SNX10: variants seen among roughly 807,000 people sequenced by gnomAD.
SNX10 encodes the protein sorting nexin-10.
A neutral mutation model predicts 28.5 loss-of-function variants in SNX10; 25 were observed. The ratio of observed to expected loss-of-function variants is 0.88; its 90% CI spans 0.64 to 1.22. The LOEUF is 1.22. Among genes scored for constraint, SNX10 ranks in the 50% most tolerant of loss-of-function variants. The pLI, the probability that SNX10 is intolerant of heterozygous loss-of-function variation, is 0.00. For synonymous variants in SNX10, 62 were observed against 81.4 expected (o/e 0.76, Z 1.28); for missense variants, 223 against 242.6 (o/e 0.92, Z 0.54).
chr7:26,311,522 T>C (rs1468841557), intron 1 of SNX10, among the ~76,000 whole-genome samples: 1 of 151,998 alleles, frequency 6.6e-6, no homozygotes, highest in Admixed American at 6.6e-5. Flanking sequence ...GGGGAGGGAA[T>C]TGTCAGGGTG....
chr7:26,350,118 ATTCTACT>A (rs1788539206), intron 2 of SNX10, among the ~76,000 whole-genome samples: 1 of 152,204 alleles, frequency 6.6e-6, no homozygotes, highest in Non-Finnish European at 1.5e-5. Context: ...TGATGGCTGC[ATTCTACT>A]TTTAGAGATT....
intron 1 of SNX10, among the ~76,000 whole-genome samples, chr7:26,294,764 C>T (rs1198996758): frequency 2.0e-5 from 3 of 152,188 alleles, no homozygotes; most frequent in Non-Finnish European, 2.9e-5. Context: ...GTCCTAAGTA[C>T]GTTAACAACC....
chr7:26,339,713 A>C (rs2128008699), intron 1 of SNX10, among the ~76,000 whole-genome samples: 1 of 151,030 alleles, frequency 6.6e-6, no homozygotes, highest in Admixed American at 6.6e-5. Flanking sequence ...TGCCTGGCTA[A>C]TTTTTCTATT....
At chr7:26,310,191 G>A (rs1286386425) in intron 1 of SNX10, among the ~76,000 whole-genome samples, 3 of 152,168 alleles carry the variant, frequency 2.0e-5, no homozygotes, top group East Asian at 1.9e-4. Flanking sequence ...CCCGAGAGGC[G>A]GGCGACTGTC....
chr7:26,310,508 G>A (rs1356334032), intron 1 of SNX10, among the ~76,000 whole-genome samples: 1 of 152,076 alleles, frequency 6.6e-6, no homozygotes, highest in Non-Finnish European at 1.5e-5. Flanking sequence ...AGAGTTCCTA[G>A]GGGAGTCTGC....
chr7:26,310,568 A>C (rs1364287091), intron 1 of SNX10, among the ~76,000 whole-genome samples: 1 of 152,088 alleles, frequency 6.6e-6, no homozygotes, highest in African/African-American at 2.4e-5. Context: ...CTTTAAACCA[A>C]GATCTGAAGC....
At position 26,374,262 on chromosome 7, in the gene SNX10, G is replaced by C. The variant is rs1322884417; in HGVS notation, c.*1690G>C. 1 of 151,882 alleles carries C rather than the reference G, an allele frequency of 6.6e-6. No homozygotes were observed. The highest frequency in any genetic ancestry group is 2.1e-4 in the South Asian group (1 of 4,818). 9.4% of individuals were successfully genotyped at this position (151,882 alleles called of 1,614,324 possible). A position where few individuals can be genotyped will look rare whatever the true frequency, so the allele number is the denominator to read the frequency against. On this transcript the variant is annotated 3_prime_UTR_variant, in exon 7 of 7. Coordinates refer to ENST00000338523, the MANE Select transcript of SNX10 (RefSeq NM_013322.3). Reference sequence around the variant, plus strand: ...ACATAGCCATCAAAATTAATATTATGTAATGCCTAATACTTAGTATGTAAA... The same window carrying C: ...ACATAGCCATCAAAATTAATATTATCTAATGCCTAATACTTAGTATGTAAA...
At chr7:26,351,187 G>A (rs1323570443) in intron 2 of SNX10, among the ~76,000 whole-genome samples, 1 of 152,164 alleles carries the variant, frequency 6.6e-6, no homozygotes, top group Non-Finnish European at 1.5e-5. Flanking sequence ...GATTAAATTA[G>A]AAGTGGCTTA....
intron 1 of SNX10, among the ~76,000 whole-genome samples, chr7:26,335,675 C>T (rs986172634): frequency 2.7e-5 from 4 of 149,512 alleles, no homozygotes; most frequent in Non-Finnish European, 5.9e-5. Context: ...AGAGCAGATA[C>T]GGGAAAACTT....
intron 1 of SNX10, among the ~76,000 whole-genome samples, chr7:26,332,832 T>G (rs1422117692): frequency 2.0e-5 from 3 of 152,232 alleles, no homozygotes; most frequent in African/African-American, 4.8e-5. Context: ...AGGATGATTC[T>G]TTCCCCATTG....
intron 2 of SNX10, among the ~76,000 whole-genome samples, chr7:26,351,646 GT>G (rs982361856): frequency 2.7e-4 from 30 of 112,618 alleles, no homozygotes; most frequent in African/African-American, 7.1e-4. Context: ...AAGCAGTCTG[GT>G]TTTTTTTTTT....
rs1785931316 is a variant in SNX10, at chr7:26,291,920, C to CGAGCGCGGGGAGCGCGGGGAGCGCGGG, written c.-189_-188insAGCGCGGGGAGCGCGGGGAGCGCGGGG. On this transcript the variant is annotated 5_prime_UTR_variant, in exon 1 of 7. Coordinates refer to ENST00000338523, the MANE Select transcript of SNX10 (RefSeq NM_013322.3). ...GCTGAGCGCGGGCGCGGGGCCGCTA[C>CGAGCGCGGGGAGCGCGGGGAGCGCGGG]GTGCGCGGGGAGCGCGGGGAGCGCG... 7.4e-6 allele frequency: 1 copy of CGAGCGCGGGGAGCGCGGGGAGCGCGGG among 135,620 alleles called. No individual in the cohort carries two copies. Among genetic ancestry groups the CGAGCGCGGGGAGCGCGGGGAGCGCGGG allele is most frequent in the African/African-American group, 2.5e-5 (1 of 39,716 alleles). 8.4% of individuals were successfully genotyped at this position (135,620 alleles called of 1,614,324 possible). A position where few individuals can be genotyped will look rare whatever the true frequency, so the allele number is the denominator to read the frequency against.
At chr7:26,311,057 G>C (rs966536334) in intron 1 of SNX10, among the ~76,000 whole-genome samples, 1 of 152,330 alleles carries the variant, frequency 6.6e-6, no homozygotes, top group East Asian at 1.9e-4. Flanking sequence ...GGCTGAGGGG[G>C]TGGCCAGGGA....
intron 2 of SNX10, 118 bp from the exon 3 acceptor site, chr7:26,360,857 A>C: frequency 6.6e-7 from 1 of 1,504,468 alleles, no homozygotes; most frequent in Non-Finnish European, 8.8e-7. Flanking sequence ...AAGGATTACA[A>C]GTACCACATT....
At chr7:26,317,741 G>A (rs1415447331) in intron 1 of SNX10, among the ~76,000 whole-genome samples, 2 of 149,222 alleles carry the variant, frequency 1.3e-5, no homozygotes, top group Non-Finnish European at 3.0e-5. Context: ...CGGCTCACTG[G>A]AACCTCTGCC....
At chr7:26,339,663 G>A (rs1303533887) in intron 1 of SNX10, among the ~76,000 whole-genome samples, 4 of 151,378 alleles carry the variant, frequency 2.6e-5, no homozygotes, top group African/African-American at 7.3e-5. Context: ...CCGAGTAGCT[G>A]GAATTACAGG....
intron 3 of SNX10, among the ~76,000 whole-genome samples, chr7:26,361,301 A>T (rs1207067130): frequency 3.3e-5 from 5 of 152,194 alleles, no homozygotes; most frequent in African/African-American, 9.7e-5. Context: ...TTGCCTTCAC[A>T]TGTGAAGATG....
chr7:26,333,322 CTT>C (rs10636369), intron 1 of SNX10, among the ~76,000 whole-genome samples: 71 of 113,672 alleles, frequency 6.2e-4, no homozygotes, highest in Middle Eastern at 6.2e-3. Flanking sequence ...GTATTTTATT[CTT>C]TTTTTTTTTT....
intron 1 of SNX10, among the ~76,000 whole-genome samples, chr7:26,296,422 A>G (rs1158234662): frequency 6.6e-6 from 1 of 151,872 alleles, no homozygotes; most frequent in Non-Finnish European, 1.5e-5. Flanking sequence ...AGGTCGAGGT[A>G]GGAGGATCAC....
Sources: allele counts gnomAD v4.1 joint callset (sites outside exome capture counted in the v4.1 genomes callset), GRCh38; gene constraint gnomAD v4.1.1; transcripts MANE v1.5; gene names NCBI Gene and HGNC (gene_info 2026-07-23, HGNC 2026-07-21).